ADPRHL1: variants seen among roughly 807,000 people sequenced by gnomAD.
ADPRHL1 encodes the protein inactive ADP-ribosyltransferase ARH2.
A neutral mutation model predicts 44.1 loss-of-function variants in ADPRHL1; 43 were observed. The ratio of observed to expected loss-of-function variants is 0.98; its 90% CI spans 0.76 to 1.26. ADPRHL1 has a LOEUF of 1.26. Among genes scored for constraint, ADPRHL1 ranks in the 50% most tolerant of loss-of-function variants. ADPRHL1 has a pLI of 0.00. For synonymous variants in ADPRHL1, 878 were observed against 1,017.4 expected, an observed-to-expected ratio of 0.86 and a Z score of 2.61; for missense variants, 2,022 against 2,496.9, an observed-to-expected ratio of 0.81 and a Z score of 4.05.
At chr13:113,412,620 G>A (rs911162367) in intron 7 of ADPRHL1, among the ~76,000 whole-genome samples, 3 of 152,258 alleles carry the variant, frequency 2.0e-5, no homozygotes, top group Non-Finnish European at 2.9e-5. Context: ...CCAGAGCAGC[G>A]TTGGGCACAG....
intron 7 of ADPRHL1, among the ~76,000 whole-genome samples, chr13:113,412,700 A>G (rs1025855244): frequency 6.6e-6 from 1 of 151,014 alleles, no homozygotes; most frequent in Admixed American, 6.6e-5. Flanking sequence ...CCCACCGCCA[A>G]CAGTGCCCCG....
chr13:113,405,234 G>A lies in ADPRHL1; in HGVS notation c.4048C>T (p.Gln1350Ter), dbSNP rs1309685049. ...AHLPPTAGDT[Q>*]AKLRASVPEP... ...GGGACACTGGCCCGGAGCTTTGCCTGTGTGTCACCAGCAGTAGGGGGCAGG... is the reference window on the plus strand; with the variant it reads ...GGGACACTGGCCCGGAGCTTTGCCTATGTGTCACCAGCAGTAGGGGGCAGG... The change falls in exon 8 of 8, where the codon CAG becomes TAG. Residue 1350 changes from glutamine (Q) to a stop codon, truncating the protein, a stop_gained. Coordinates refer to ENST00000612156, the MANE Select transcript of ADPRHL1 (RefSeq NM_001394807.1). LOFTEE classifies it low-confidence loss of function (END_TRUNC). 2 of 1,231,792 alleles carry A rather than the reference G, an allele frequency of 1.6e-6. No individual in the cohort carries two copies. Among genetic ancestry groups the A allele is most frequent in the Non-Finnish European group, 2.0e-6 (2 of 988,102 alleles). The allele number at this position is 1,231,792 out of a possible 1,614,324, so 76.3% of individuals were successfully genotyped here. A position where few individuals can be genotyped will look rare whatever the true frequency, so the allele number is the denominator to read the frequency against.
chr13:113,404,958 C>G lies in ADPRHL1; in HGVS notation c.4324G>C (p.Gly1442Arg). 1 of 1,236,920 alleles carries G rather than the reference C, an allele frequency of 8.1e-7. No individual in the cohort carries two copies. The highest frequency in any genetic ancestry group is 1.0e-6 in the Non-Finnish European group (1 of 991,420). The allele number at this position is 1,236,920 out of a possible 1,614,324, so 76.6% of individuals were successfully genotyped here. Residue 1442 changes from glycine to arginine, a missense_variant, in exon 8 of 8, where the codon GGT (glycine) becomes CGT (arginine). Transcript: ENST00000612156. The part of the protein sequence containing the change: ...VGGACQRSDQ[G>R]QQHLQGPWEE... ...CAGGGTCCCTGCAGATGCTGCTGAC[C>G]TTGGTCACTGCGCTGGCAGGCGCCC...
intron 2 of ADPRHL1, among the ~76,000 whole-genome samples, chr13:113,439,040 G>A (rs1051000103): frequency 9.9e-5 from 15 of 152,140 alleles, no homozygotes; most frequent in African/African-American, 3.6e-4. Flanking sequence ...GAAGAGTTAT[G>A]TACAATTTAT....
rs2043812094 is a variant in ADPRHL1 at position 113,406,739 on chromosome 13, G to A, written c.2543C>T (p.Pro848Leu). 1 of 1,231,910 alleles carries A rather than the reference G, an allele frequency of 8.1e-7. No individual in the cohort carries two copies. The highest frequency in any genetic ancestry group is 1.0e-6 in the Non-Finnish European group (1 of 988,008). The allele number at this position is 1,231,910 out of a possible 1,614,324, so 76.3% of individuals were successfully genotyped here. The part of the protein sequence containing the change: ...TEPPRITVQI[P>L]VVHEMPAPPT... The stretch of plus-strand genomic sequence containing the variant: ...AGGGGCTGGCATTTCATGGACAACT[G>A]GAATTTGGACAGTTATCCGTGGAGG... The change falls in exon 8 of 8, where the codon CCA (proline) becomes CTA (leucine). Residue 848 changes from proline (P) to leucine (L), a missense_variant. By Grantham distance (98) the Pro-to-Leu change is moderately conservative. Transcript: ENST00000612156.
chr13:113,432,699 C>T lies in ADPRHL1; in HGVS notation c.505+1043G>A, dbSNP rs570211294. On this transcript the variant is annotated intron_variant, in intron 3 of 7. Coordinates refer to ENST00000612156, the MANE Select transcript of ADPRHL1 (RefSeq NM_001394807.1). ...CAGGCCGGCAGAGCTGCGTGTTGAT[C>T]GAAGGCCGGTTGCTCACCGCTGTTC... is the stretch of plus-strand genomic sequence containing the variant. Among the ~76,000 whole-genome samples the T allele has an allele frequency of 6.1e-4, 93 of 152,162 alleles. 1 individual carries two copies. The highest frequency in any genetic ancestry group is 1.1e-3 in the Non-Finnish European group (76 of 67,996).
chr13:113,424,548 G>A (rs1411454150), intron 5 of ADPRHL1, among the ~76,000 whole-genome samples, 199 bp from the exon 6 acceptor site: 3 of 151,878 alleles, frequency 2.0e-5, no homozygotes, highest in Admixed American at 1.3e-4. Flanking sequence ...TCCACCTCCC[G>A]GGTTCAAGCG....
chr13:113,406,138 C>A lies in ADPRHL1; in HGVS notation c.3144G>T (p.Gly1048=). The stretch of plus-strand genomic sequence containing the variant: ...GGGTGACACCCTCAGGCCCCGTACG[C>A]CCCTTGGATGATGCCGCCAGTGACG... ...APTSLAASSK[G]RTGPEGVTPM... The change falls in exon 8 of 8, where the codon GGG becomes GGT. Residue 1048 remains glycine, a synonymous_variant. Coordinates refer to ENST00000612156, the MANE Select transcript of ADPRHL1 (RefSeq NM_001394807.1). The A allele has an allele frequency of 1.1e-5, 14 of 1,232,142 alleles. No individual in the cohort carries two copies. Among genetic ancestry groups the A allele is most frequent in the Non-Finnish European group, 1.3e-5 (13 of 988,000 alleles). The allele number at this position is 1,232,142 out of a possible 1,614,324, so 76.3% of individuals were successfully genotyped here.
chr13:113,445,631 G>C (rs971998796), intron 1 of ADPRHL1, among the ~76,000 whole-genome samples: 2 of 152,204 alleles, frequency 1.3e-5, no homozygotes, highest in Non-Finnish European at 2.9e-5. Flanking sequence ...GGAATGAATG[G>C]GGAGAGGGAG....
At chr13:113,423,811 A>G (rs1268314884) in intron 6 of ADPRHL1, among the ~76,000 whole-genome samples, 1 of 152,234 alleles carries the variant, frequency 6.6e-6, no homozygotes, top group Non-Finnish European at 1.5e-5. Context: ...AGCAAAGGAC[A>G]AGATGACGGT....
chr13:113,422,047 A>C (rs2043927645), intron 7 of ADPRHL1: 1 of 152,264 alleles, frequency 6.6e-6, no homozygotes, highest in African/African-American at 2.4e-5. Flanking sequence ...AGACTCTCTG[A>C]GAGAGAACCT....
At chr13:113,414,676 T>C (rs2043878198) in intron 7 of ADPRHL1, among the ~76,000 whole-genome samples, 1 of 149,052 alleles carries the variant, frequency 6.7e-6, no homozygotes, top group Non-Finnish European at 1.5e-5. Context: ...TCTTCTGTTT[T>C]CTGTTTTTTT....
chr13:113,423,409 C>A (rs988583472), intron 6 of ADPRHL1, among the ~76,000 whole-genome samples: 2 of 152,196 alleles, frequency 1.3e-5, no homozygotes, highest in African/African-American at 4.8e-5. Flanking sequence ...GGGAGGGGAG[C>A]CCGAGGCCGC....
At chr13:113,433,319 C>T (rs988939285) in intron 3 of ADPRHL1, among the ~76,000 whole-genome samples, 4 of 152,196 alleles carry the variant, frequency 2.6e-5, no homozygotes, top group East Asian at 3.9e-4. Flanking sequence ...AGGGTCCCCC[C>T]GATCCCACCT....
At chr13:113,426,699 T>A (rs933548408) in intron 4 of ADPRHL1, among the ~76,000 whole-genome samples, 3 of 152,144 alleles carry the variant, frequency 2.0e-5, no homozygotes, top group African/African-American at 4.8e-5. Context: ...GACGCAAAAG[T>A]AAGAGGGCAG....
At position 113,405,912 on chromosome 13, in the gene ADPRHL1, C is replaced by T. The variant is rs1159835149; in HGVS notation, c.3370G>A (p.Ala1124Thr). 7 of 1,231,948 alleles carry T rather than the reference C, an allele frequency of 5.7e-6. No homozygotes were observed. The allele number at this position is 1,231,948 out of a possible 1,614,324, so 76.3% of individuals were successfully genotyped here. The change falls in exon 8 of 8, where the codon GCC (alanine) becomes ACC (threonine). Residue 1124 changes from alanine to threonine, a missense_variant. By Grantham distance (58) the Ala-to-Thr change is moderately conservative. Coordinates refer to ENST00000612156, the MANE Select transcript of ADPRHL1 (RefSeq NM_001394807.1). ...CTGCCTGGCGCTGGTGCAGGCGTGG[C>T]GCGGCTCGCAACGCTCCCTGCAGCT... is the stretch of plus-strand genomic sequence containing the variant. Reference protein sequence around the residue: ...MAAAGSVASRATPAPAPGSTQ... With the variant: ...MAAAGSVASRTTPAPAPGSTQ...
At chr13:113,437,096 T>A (rs1250693039) in intron 2 of ADPRHL1, among the ~76,000 whole-genome samples, 1 of 113,894 alleles carries the variant, frequency 8.8e-6, no homozygotes, top group East Asian at 3.1e-4. Context: ...AGAGTGAACA[T>A]AGGTGTACCC....
At chr13:113,428,672 G>A (rs1482757722) in intron 4 of ADPRHL1, among the ~76,000 whole-genome samples, 1 of 152,242 alleles carries the variant, frequency 6.6e-6, no homozygotes, top group Non-Finnish European at 1.5e-5. Context: ...GGGTGGACGG[G>A]GACGGGTGGA....
In ADPRHL1 at chr13:113,406,169, G is replaced by A. The variant is rs2043807011; in HGVS notation, c.3113C>T (p.Ala1038Val). 4 of 1,232,044 alleles carry A rather than the reference G, an allele frequency of 3.2e-6. No homozygotes were observed. In the South Asian group the frequency reaches 1.2e-4, roughly 38 times the overall value. The allele number at this position is 1,232,044 out of a possible 1,614,324, so 76.3% of individuals were successfully genotyped here. A position where few individuals can be genotyped will look rare whatever the true frequency, so the allele number is the denominator to read the frequency against. The stretch of plus-strand genomic sequence containing the variant: ...GGATGATGCCGCCAGTGACGTGGGG[G>A]CTCCTGTTGGGTTTCTCCCAGTCGG... ...PSPTGRNPTG[A>V]PTSLAASSKG... The change falls in exon 8 of 8, where the codon GCC becomes GTC. Residue 1038 changes from alanine (A) to valine (V), a missense_variant. By Grantham distance (64) the Ala-to-Val change is moderately conservative. Transcript: ENST00000612156.
Sources: gnomAD v4.1 joint callset for allele counts (sites outside exome capture counted in the v4.1 genomes callset) on GRCh38, gnomAD v4.1.1 for gene constraint, MANE v1.5 for transcripts, NCBI Gene and HGNC (gene_info 2026-07-23, HGNC 2026-07-21) for gene names.